Variants in USP33 observed in about 807,000 individuals in gnomAD.
USP33 encodes the protein ubiquitin carboxyl-terminal hydrolase 33.
Under a neutral mutation model 124.2 loss-of-function variants are expected in USP33, and 46 were observed. The observed-to-expected ratio is 0.37, with a 90% CI of 0.29 to 0.47. The LOEUF is 0.47. Ranked by LOEUF, USP33 falls within the 20% of genes least tolerant of loss-of-function variation. The pLI, the probability that USP33 is intolerant of heterozygous loss-of-function variation, is 0.99. For missense variants in USP33, 851 were observed against 1,070.6 expected (o/e 0.79, Z 2.86); for synonymous variants, 350 against 352.3 (o/e 0.99, Z 0.07).
Position 77,696,327 on chromosome 1 carries a change from T to C in USP33, c.*990A>G, listed in dbSNP as rs1673439803. 1.3e-5 allele frequency: 2 copies of C among 152,800 alleles called. No homozygotes were observed. Among genetic ancestry groups the C allele is most frequent in the South Asian group, 2.1e-4 (1 of 4,834 alleles). The allele number at this position is 152,800 out of a possible 1,614,324, so 9.5% of individuals were successfully genotyped here. On this transcript the variant is annotated 3_prime_UTR_variant, in exon 24 of 24. Coordinates refer to ENST00000370794, the MANE Select transcript of USP33 (RefSeq NM_201624.3). ...AACTAACTCTAAGTTTTTTAGTCAC[T>C]GACATTAATACTAACCAGGTTACAG...
At chr1:77,721,150 A>G in intron 15 of USP33, 22 bp downstream of exon 15, 1 of 1,613,554 alleles carries the variant, frequency 6.2e-7, no homozygotes, top group Non-Finnish European at 8.5e-7. Flanking sequence ...ATGCAATTAA[A>G]AGCACTGTCA....
chr1:77,749,646 T>C (rs1680098615), intron 1 of USP33, among the ~76,000 whole-genome samples: 2 of 152,176 alleles, frequency 1.3e-5, no homozygotes, highest in South Asian at 4.1e-4. Flanking sequence ...CCTCCCAAAG[T>C]GCCGGAATTA....
chr1:77,718,514 AG>A (rs1676173310), intron 16 of USP33, 81 bp downstream of exon 16: 9 of 1,111,460 alleles, frequency 8.1e-6, no homozygotes, highest in Non-Finnish European at 1.2e-5. Flanking sequence ...CCAAGCAAAG[AG>A]AATTTATTAC....
intron 1 of USP33, among the ~76,000 whole-genome samples, chr1:77,742,787 T>C (rs982864817): frequency 1.3e-5 from 2 of 152,204 alleles, no homozygotes; most frequent in Non-Finnish European, 2.9e-5. Flanking sequence ...TCAGAAACAC[T>C]GTAAATTTAA....
intron 1 of USP33, among the ~76,000 whole-genome samples, chr1:77,750,749 C>A (rs1259618561): frequency 6.6e-6 from 1 of 152,130 alleles, no homozygotes; most frequent in Admixed American, 6.5e-5. Context: ...TATTTAGTAT[C>A]CCGTATAATA....
Position 77,728,456 on chromosome 1 carries a change from T to C in USP33, c.974A>G (p.Asn325Ser). The change falls in exon 10 of 24, where the codon AAT (asparagine) becomes AGT (serine). Residue 325 changes from asparagine to serine, a missense_variant. Physicochemically the swap from Asn to Ser is conservative, Grantham distance 46 (BLOSUM62 1). Coordinates refer to ENST00000370794, the MANE Select transcript of USP33 (RefSeq NM_201624.3). ...TTGCCAATCCTTTGACATTTCTGAA[T>C]TGTTTTCATCATCCTGAATTAACAT... The part of the protein sequence containing the change: ...TTMLIQDDEN[N>S]SEMSKDWQKE... The C allele has an allele frequency of 1.2e-6, 2 of 1,614,088 alleles. No individual in the cohort carries two copies. Among genetic ancestry groups the C allele is most frequent in the Non-Finnish European group, 1.7e-6 (2 of 1,180,010 alleles).
At chr1:77,706,086 T>G (rs952373399) in intron 21 of USP33, among the ~76,000 whole-genome samples, 2 of 152,344 alleles carry the variant, frequency 1.3e-5, no homozygotes, top group Admixed American at 6.5e-5. Flanking sequence ...TTTCCAGTTT[T>G]GGGCAATTAT....
chr1:77,715,528 A>G (rs1675783440), intron 18 of USP33, among the ~76,000 whole-genome samples: 2 of 152,332 alleles, frequency 1.3e-5, no homozygotes, highest in South Asian at 4.1e-4. Flanking sequence ...TTCTAAAACA[A>G]AATATATCCC....
chr1:77,701,693 G>A (rs1209108223), intron 21 of USP33: 1 of 371,926 alleles, frequency 2.7e-6, no homozygotes, highest in East Asian at 5.5e-5. Flanking sequence ...TTTTGAGATA[G>A]AGTTTTGCTG....
chr1:77,732,601 G>C (rs545854226), intron 7 of USP33, among the ~76,000 whole-genome samples: 1 of 152,058 alleles, frequency 6.6e-6, no homozygotes, highest in East Asian at 1.9e-4. Flanking sequence ...ACATAACCTA[G>C]ACCCATGTCA....
At chr1:77,708,884 C>T (rs988530861) in intron 21 of USP33, among the ~76,000 whole-genome samples, 6 of 151,730 alleles carry the variant, frequency 4.0e-5, no homozygotes, top group African/African-American at 1.2e-4. Context: ...TAAAGTCTCG[C>T]TATGTTGTCC....
At chr1:77,723,250 A>C in intron 12 of USP33, 81 bp downstream of exon 12, 3 of 1,041,754 alleles carry the variant, frequency 2.9e-6, no homozygotes, top group South Asian at 1.4e-5. Context: ...AGAAGGAATT[A>C]AACTTTTCAC....
intron 6 of USP33, 134 bp downstream of exon 6, chr1:77,735,922 G>C (rs1247203115): frequency 6.8e-6 from 4 of 588,614 alleles, no homozygotes; most frequent in Non-Finnish European, 1.1e-5. Context: ...AATTTTACTA[G>C]GCCAAATTTC....
chr1:77,715,515 T>G (rs1675782484), intron 18 of USP33, among the ~76,000 whole-genome samples: 1 of 152,256 alleles, frequency 6.6e-6, no homozygotes, highest in Non-Finnish European at 1.5e-5. Context: ...CTAAAATTAA[T>G]CTTTCTAAAA....
chr1:77,705,339 C>T lies in USP33; in HGVS notation c.2407-3868G>A, dbSNP rs573091525. On this transcript the variant is annotated intron_variant, in intron 21 of 23. Coordinates refer to ENST00000370794, the MANE Select transcript of USP33 (RefSeq NM_201624.3). ...CCTCCCTAGTAGCTGGGATTACAGG[C>T]ACCCGCCACCATGCCTGGCTAATTT... Among the ~76,000 whole-genome samples, 14 of 151,904 alleles carry T rather than the reference C, an allele frequency of 9.2e-5. 1 individual carries two copies. The highest frequency in any genetic ancestry group is 2.9e-4 in the African/African-American group (12 of 41,422).
chr1:77,727,506 T>C (rs184509379), intron 10 of USP33, among the ~76,000 whole-genome samples: 12 of 152,356 alleles, frequency 7.9e-5, no homozygotes, highest in Admixed American at 5.9e-4. Context: ...TTAGAAAGCA[T>C]CTGTGCACTT....
intron 15 of USP33, among the ~76,000 whole-genome samples, chr1:77,719,911 C>T (rs1379209495): frequency 6.7e-6 from 1 of 150,370 alleles, no homozygotes; most frequent in Non-Finnish European, 1.5e-5. Context: ...CTTGTAATCT[C>T]AGCATTTTGG....
rs146249255 is a variant in USP33, at chr1:77,722,035, T to C, written c.1551A>G (p.Glu517=). 2.5e-6 allele frequency: 4 copies of C among 1,612,654 alleles called. No homozygotes were observed. In the African/African-American group the frequency reaches 4.0e-5, roughly 16 times the overall value. The change falls in exon 13 of 24, where the codon GAA becomes GAG. Residue 517 remains glutamate (E), a synonymous_variant. Transcript: ENST00000370794. Reference sequence around the variant, plus strand: ...AAATAAATACATACCTCTTCACATATTCCATGAAAAAAGCTATCCACCCTT... The same window carrying C: ...AAATAAATACATACCTCTTCACATACTCCATGAAAAAAGCTATCCACCCTT... ...APQGWIAFFM[E]YVKRFVVSCV... is the part of the protein sequence containing the mutation.
In USP33 at chr1:77,714,774, G is replaced by A. The variant is rs376383278; in HGVS notation, c.2055C>T (p.Ser685=). The A allele has an allele frequency of 9.9e-6, 16 of 1,611,068 alleles. No individual in the cohort carries two copies. Among genetic ancestry groups the A allele is most frequent in the Middle Eastern group, 2.1e-4 (1 of 4,676 alleles). The change falls in exon 19 of 24, where the codon AGC becomes AGT. Residue 685 remains serine (S), a synonymous_variant. Coordinates refer to ENST00000370794, the MANE Select transcript of USP33 (RefSeq NM_201624.3). ...EAYVLFYRKS[S]EEAQKERRRI... ...TTCTCCTCTCTTTTTGTGCCTCTTC[G>A]CTGCTCTTCCTATTAAGGACAATGA...
Sources: allele counts gnomAD v4.1 joint callset (sites outside exome capture counted in the v4.1 genomes callset), GRCh38; gene constraint gnomAD v4.1.1; transcripts MANE v1.5; gene names NCBI Gene and HGNC (gene_info 2026-07-23, HGNC 2026-07-21).